LIPC: variants seen among roughly 807,000 people sequenced by gnomAD.
LIPC encodes hepatic triacylglycerol lipase.
In LIPC, 44 loss-of-function variants were observed where a neutral mutation model predicts 50.7. That is an observed-to-expected ratio of 0.87 (90% confidence interval 0.68 to 1.11). The LOEUF is 1.11. Ranked by LOEUF, LIPC falls within the 50% of genes most tolerant of loss-of-function variation. The pLI, the probability that LIPC is intolerant of heterozygous loss-of-function variation, is 0.00. For synonymous variants in LIPC, 271 were observed against 256.4 expected, an observed-to-expected ratio of 1.06 and a Z score of -0.54; for missense variants, 697 against 648.2, an observed-to-expected ratio of 1.08 and a Z score of -0.82.
intron 1 of LIPC, among the ~76,000 whole-genome samples, chr15:58,448,537 G>A (rs1256532865): frequency 6.6e-6 from 1 of 152,246 alleles, no homozygotes; most frequent in Non-Finnish European, 1.5e-5. Flanking sequence ...GACCGCAGGT[G>A]CCCTGCTGCG....
At chr15:58,558,801 C>A (rs1170720387) in intron 6 of LIPC, among the ~76,000 whole-genome samples, 3 of 152,214 alleles carry the variant, frequency 2.0e-5, no homozygotes, top group Non-Finnish European at 2.9e-5. Context: ...GCACCAGATA[C>A]TACCTGAGCT....
At chr15:58,535,536 G>A (rs781741430) in intron 1 of LIPC, among the ~76,000 whole-genome samples, 9 of 152,206 alleles carry the variant, frequency 5.9e-5, no homozygotes, top group Admixed American at 1.3e-4. Context: ...AGCCACCTGG[G>A]CTGGAGCGTA....
intron 8 of LIPC, among the ~76,000 whole-genome samples, chr15:58,564,347 A>T (rs4420471): frequency 0.98 from 148,179 of 151,974 alleles, 72,354 homozygotes; most frequent in East Asian, 1. Context: ...GGGTCACCCG[A>T]AAGAAATGCT....
chr15:58,436,643 G>C (rs575550772), intron 1 of LIPC: 1 of 444,638 alleles, frequency 2.2e-6, no homozygotes, highest in African/African-American at 2.0e-5. Context: ...AAATACATGA[G>C]GTATACCACT....
chr15:58,494,992 C>T (rs1891717774), intron 1 of LIPC: 1 of 412,228 alleles, frequency 2.4e-6, no homozygotes, highest in Non-Finnish European at 4.9e-6. Context: ...TCAACCGTTC[C>T]ACCGGTCCTT....
intron 6 of LIPC, among the ~76,000 whole-genome samples, chr15:58,549,290 G>A (rs1192351402): frequency 6.6e-6 from 1 of 152,206 alleles, no homozygotes; most frequent in Non-Finnish European, 1.5e-5. Context: ...AACAGCTCGG[G>A]AGTGCTTTAG....
intron 6 of LIPC, among the ~76,000 whole-genome samples, chr15:58,556,329 T>C (rs941145028): frequency 6.6e-6 from 1 of 152,126 alleles, no homozygotes; most frequent in African/African-American, 2.4e-5. Context: ...TTTGGGGAGA[T>C]AAGACATGGA....
rs562764268 is a variant in LIPC at position 58,498,005 on chromosome 15, C to A, written c.89-40328C>A. On this transcript the variant is annotated intron_variant, in intron 1 of 8. Transcript: ENST00000299022. ...AGGCTCTGTAGAACCTGGCTCTTTC[C>A]GGCCAAAATATGATCTTTACAGAGC... is the stretch of plus-strand genomic sequence containing the variant. 27 of 152,294 alleles carry A rather than the reference C, an allele frequency of 1.8e-4. No individual in the cohort carries two copies. In the East Asian group the frequency reaches 3.5e-3, roughly 20 times the overall value. 9.4% of individuals were successfully genotyped at this position (152,294 alleles called of 1,614,324 possible). A position where few individuals can be genotyped will look rare whatever the true frequency, so the allele number is the denominator to read the frequency against.
intron 1 of LIPC, among the ~76,000 whole-genome samples, chr15:58,467,390 T>C (rs1255710244): frequency 6.6e-6 from 1 of 152,194 alleles, no homozygotes; most frequent in East Asian, 1.9e-4. Flanking sequence ...AGTGCCTGAT[T>C]TGCACGTATT....
chr15:58,453,598 A>G (rs1037909907), intron 1 of LIPC, among the ~76,000 whole-genome samples: 1 of 152,070 alleles, frequency 6.6e-6, no homozygotes, highest in Non-Finnish European at 1.5e-5. Flanking sequence ...GGCAACTCTC[A>G]TTACAGAGTG....
intron 1 of LIPC, among the ~76,000 whole-genome samples, chr15:58,487,019 C>T (rs114454835): frequency 6.6e-6 from 1 of 152,296 alleles, no homozygotes; most frequent in African/African-American, 2.4e-5. Context: ...GTACCTCACA[C>T]TGTGCTAGGA....
At chr15:58,501,695 A>G (rs531245659) in intron 1 of LIPC, among the ~76,000 whole-genome samples, 6 of 152,246 alleles carry the variant, frequency 3.9e-5, no homozygotes, top group African/African-American at 1.2e-4. Flanking sequence ...CCATTTTTAA[A>G]TCTCTACAGA....
intron 6 of LIPC, among the ~76,000 whole-genome samples, chr15:58,549,454 G>A (rs1032201547): frequency 1.3e-5 from 2 of 152,192 alleles, no homozygotes; most frequent in African/African-American, 2.4e-5. Context: ...CAAAACATTC[G>A]ATGCAGCCAT....
intron 1 of LIPC, among the ~76,000 whole-genome samples, chr15:58,434,205 A>T (rs1893216002): frequency 6.6e-6 from 1 of 151,978 alleles, no homozygotes; most frequent in Non-Finnish European, 1.5e-5. Flanking sequence ...GGCCCAAAAC[A>T]TTATTAGTGC....
In LIPC at chr15:58,554,554, CTT is replaced by C. The variant is rs60984824; in HGVS notation, c.1051+5995_1051+5996del. ...AGGCAAATTGTCTTTTCTTTTCTTC[CTT>C]TTTTTTTTTTTTAAAGAAAAACACT... On this transcript the variant is annotated intron_variant, in intron 6 of 8. Transcript: ENST00000299022. Among the ~76,000 whole-genome samples the C allele has an allele frequency of 7.3e-3, 1,057 of 145,330 alleles. 3 individuals are homozygous for C. The highest frequency in any genetic ancestry group is 0.016 in the African/African-American group (621 of 39,848).
intron 1 of LIPC, among the ~76,000 whole-genome samples, chr15:58,521,119 A>C (rs1892639328): frequency 6.6e-6 from 1 of 152,166 alleles, no homozygotes; most frequent in African/African-American, 2.4e-5. Flanking sequence ...TCCTGACCAT[A>C]GGAAGGGGAC....
intron 1 of LIPC, among the ~76,000 whole-genome samples, chr15:58,515,552 A>ATATATATATATATATATATATATATATC (rs1321999770): frequency 6.6e-6 from 1 of 150,964 alleles, no homozygotes; most frequent in African/African-American, 2.4e-5. Flanking sequence ...ATATATATAT[A>ATATATATATATATATATATATATATATC]TCTCAAAATA....
At chr15:58,465,393 A>C (rs151325192) in intron 1 of LIPC, among the ~76,000 whole-genome samples, 3 of 152,294 alleles carry the variant, frequency 2.0e-5, no homozygotes, top group African/African-American at 7.2e-5. Context: ...GTGTAGACTG[A>C]AGGTTTTTCA....
chr15:58,490,410 G>T (rs1166351446), intron 1 of LIPC, among the ~76,000 whole-genome samples: 1 of 152,156 alleles, frequency 6.6e-6, no homozygotes, highest in African/African-American at 2.4e-5. Context: ...TTCTTACAGG[G>T]CTCTTGAATG....
Sources: gnomAD v4.1 joint callset for allele counts (sites outside exome capture counted in the v4.1 genomes callset) on GRCh38, gnomAD v4.1.1 for gene constraint, MANE v1.5 for transcripts, NCBI Gene and HGNC (gene_info 2026-07-23, HGNC 2026-07-21) for gene names.